Variants in CDH3 observed in about 807,000 individuals in gnomAD.
CDH3 encodes cadherin 3.
A neutral mutation model predicts 82.0 loss-of-function variants in CDH3; 54 were observed. The observed-to-expected ratio is 0.66, with a 90% CI of 0.53 to 0.83. The LOEUF is 0.83. CDH3 is among the 40% of genes least tolerant of loss of function. The pLI, the probability that CDH3 is intolerant of heterozygous loss-of-function variation, is 0.00. For synonymous variants in CDH3, 446 were observed against 437.9 expected (o/e 1.02, Z -0.23); for missense variants, 1,054 against 1,084.6 (o/e 0.97, Z 0.40).
intron 2 of CDH3, chr16:68,651,066 A>G: frequency 2.3e-6 from 1 of 434,908 alleles, no homozygotes; most frequent in South Asian, 2.4e-5. Context: ...GGGGATATTC[A>G]GGGGCCTTCC....
intron 2 of CDH3, among the ~76,000 whole-genome samples, chr16:68,656,014 G>A (rs1356181819): frequency 6.6e-6 from 1 of 152,214 alleles, no homozygotes; most frequent in Non-Finnish European, 1.5e-5. Context: ...AGTTGGGCAT[G>A]AGAGGTGGCA....
intron 2 of CDH3, among the ~76,000 whole-genome samples, chr16:68,725,598 G>T (rs991421511): frequency 2.6e-5 from 4 of 152,208 alleles, no homozygotes; most frequent in African/African-American, 9.6e-5. Context: ...CTCCCAAAGT[G>T]CAGGGATTAC....
chr16:68,662,544 CTTTTTTTTTT>C (rs34173111), intron 2 of CDH3, among the ~76,000 whole-genome samples: 14 of 94,046 alleles, frequency 1.5e-4, no homozygotes, highest in Admixed American at 1.4e-3. Context: ...TGAAGCCAGC[CTTTTTTTTTT>C]TTTTTTTTTT....
rs200065602 is a variant in CDH3, at chr16:68,661,991, A to T, written c.161-14394A>T. 1.5e-3 allele frequency among the ~76,000 whole-genome samples: 234 copies of T among 152,292 alleles called. 1 individual carries two copies. The South Asian group carries it at 0.02, about 13-fold the overall frequency. ...CAGGCGTGAGCCACGGCGCCCAGCC[A>T]ATCACTACTAAACATATAATCACAA... On this transcript the variant is annotated intron_variant, in intron 2 of 15. Transcript: ENST00000264012.
intron 2 of CDH3, chr16:68,651,474 G>C: frequency 3.8e-6 from 2 of 519,592 alleles, no homozygotes; most frequent in South Asian, 3.0e-5. Context: ...GCACTGGCCG[G>C]CCTTCATGGT....
intron 2 of CDH3, among the ~76,000 whole-genome samples, chr16:68,674,795 T>C (rs1221482774): frequency 2.0e-5 from 3 of 152,204 alleles, no homozygotes; most frequent in South Asian, 4.1e-4. Context: ...TACTTTGTCA[T>C]GTCCATATTA....
Position 68,685,194 on chromosome 16 carries a change from T to C in CDH3, c.1425-11T>C. The C allele has an allele frequency of 6.2e-7, 1 of 1,614,010 alleles. No homozygotes were observed. Among genetic ancestry groups the C allele is most frequent in the South Asian group, 1.1e-5 (1 of 91,082 alleles). ...ATTCTGGATGTACTCGTCTCAACTT[T>C]TCCTCTCCAGCTACCGCATCCTGAG... On this transcript the variant is annotated splice_polypyrimidine_tract_variant and intron_variant, in intron 10 of 15. Transcript: ENST00000264012.
rs186117855 is a variant in CDH3 at position 68,673,647 on chromosome 16, C to T, written c.161-2738C>T. 6.3e-3 allele frequency among the ~76,000 whole-genome samples: 961 copies of T among 152,202 alleles called. 3 individuals are homozygous for T. Among genetic ancestry groups the T allele is most frequent in the Middle Eastern group, 0.01 (3 of 294 alleles). ...ATTTTCAAAAAATTCGTATAGAGGCCGGGTGCAGTGGCTCACTCCTGTAAT... is the reference window on the plus strand; with the variant it reads ...ATTTTCAAAAAATTCGTATAGAGGCTGGGTGCAGTGGCTCACTCCTGTAAT... On this transcript the variant is annotated intron_variant, in intron 2 of 15. Transcript: ENST00000264012.
At chr16:68,718,631 G>A (rs1383922455) in intron 1 of CDH3, among the ~76,000 whole-genome samples, 2 of 152,022 alleles carry the variant, frequency 1.3e-5, no homozygotes, top group Admixed American at 6.6e-5. Context: ...GCAGTGAGCC[G>A]AGATTGCTCC....
At chr16:68,646,064 G>A (rs1013723182) in intron 2 of CDH3, 5 of 415,380 alleles carry the variant, frequency 1.2e-5, no homozygotes, top group Non-Finnish European at 2.2e-5. Flanking sequence ...GGCCCCAGCA[G>A]AGGAATGCGC....
chr16:68,680,161 G>C (rs1420972587), intron 7 of CDH3, among the ~76,000 whole-genome samples, 187 bp downstream of exon 7: 3 of 152,228 alleles, frequency 2.0e-5, no homozygotes, highest in African/African-American at 7.2e-5. Context: ...GTGGCCCGCT[G>C]CCAGCCAATC....
At chr16:68,725,532 AC>A (rs1346203577) in intron 2 of CDH3, among the ~76,000 whole-genome samples, 1 of 151,672 alleles carries the variant, frequency 6.6e-6, no homozygotes, top group East Asian at 2.0e-4. Flanking sequence ...ACGGGGTTTC[AC>A]CATGTTAGCC....
In CDH3 at chr16:68,720,881, A is replaced by G. The variant is rs140458579; in HGVS notation, c.100-1544A>G. ...GTGATCCACCCTCCTCGGCCTCCCA[A>G]AGTGCTGGGATTACAGGCATGAGCC... On this transcript the variant is annotated intron_variant, in intron 1 of 2. Transcript: ENST00000569080. Among the ~76,000 whole-genome samples the G allele has an allele frequency of 4.6e-5, 7 of 152,124 alleles. 1 individual carries two copies. The East Asian group carries it at 9.7e-4, about 21-fold the overall frequency.
chr16:68,665,314 A>T (rs1960703474), intron 2 of CDH3, among the ~76,000 whole-genome samples: 1 of 152,086 alleles, frequency 6.6e-6, no homozygotes. Context: ...AGGCTGAGGC[A>T]GGAGAATCAC....
downstream of CDH3, among the ~76,000 whole-genome samples, chr16:68,701,961 T>C (rs1597825000): frequency 6.6e-6 from 1 of 151,536 alleles, no homozygotes. Context: ...GAGGCGGAGG[T>C]TGCAGTGAAC....
chr16:68,714,082 C>A (rs563266452), intron 1 of CDH3, among the ~76,000 whole-genome samples: 1 of 151,960 alleles, frequency 6.6e-6, no homozygotes, highest in Non-Finnish European at 1.5e-5. Context: ...TACAGGTACA[C>A]GCTACCATGC....
At chr16:68,672,190 CA>C (rs36172561) in intron 2 of CDH3, among the ~76,000 whole-genome samples, 25,946 of 70,526 alleles carry the variant, frequency 0.37, 2,202 homozygotes, top group Admixed American at 0.41. Flanking sequence ...GACTCCGTCT[CA>C]AAAAAAAAAA....
chr16:68,715,243 T>C (rs981501140), intron 1 of CDH3, among the ~76,000 whole-genome samples: 1 of 151,200 alleles, frequency 6.6e-6, no homozygotes, highest in East Asian at 2.0e-4. Flanking sequence ...CGTGCCAACA[T>C]AGCAAAACCC....
At chr16:68,679,563 C>T (rs898157014) in intron 6 of CDH3, among the ~76,000 whole-genome samples, 34 of 151,648 alleles carry the variant, frequency 2.2e-4, no homozygotes, top group African/African-American at 6.3e-4. Flanking sequence ...GGCGTGGTGG[C>T]GGGCACTTGT....
Sources: gnomAD v4.1 joint callset for allele counts (sites outside exome capture counted in the v4.1 genomes callset) on GRCh38, gnomAD v4.1.1 for gene constraint, MANE v1.5 for transcripts, NCBI Gene and HGNC (gene_info 2026-07-23, HGNC 2026-07-21) for gene names.